Variants in VRK1 observed in about 807,000 individuals in gnomAD.
VRK1 encodes VRK serine/threonine kinase 1.
VRK1 carries 33 observed loss-of-function variants against 57.1 expected under a neutral mutation model. The ratio of observed to expected loss-of-function variants is 0.58; its 90% CI spans 0.44 to 0.77. The LOEUF (loss-of-function observed/expected upper bound fraction) is 0.77, where lower values mean the gene tolerates loss of function less well. Among genes scored for constraint, VRK1 ranks in the 30% least tolerant of loss-of-function variants. The pLI is 0.00. For synonymous variants in VRK1, 137 were observed against 147.8 expected, an observed-to-expected ratio of 0.93 and a Z score of 0.53; for missense variants, 413 against 477.3, an observed-to-expected ratio of 0.87 and a Z score of 1.25.
intron 7 of VRK1, among the ~76,000 whole-genome samples, 187 bp from the exon 8 acceptor site, chr14:96,855,037 A>G (rs188811401): frequency 6.6e-6 from 1 of 152,236 alleles, no homozygotes; most frequent in African/African-American, 2.4e-5. Flanking sequence ...TTTATTAAAA[A>G]TAAAAAGCCT....
rs1384760371 is a variant in VRK1, at chr14:96,846,135, T to C, written c.257T>C (p.Phe86Ser). The change falls in exon 4 of 13, where the codon TTC (phenylalanine) becomes TCC (serine). Residue 86 changes from phenylalanine to serine, a missense_variant. By Grantham distance (155) the Phe-to-Ser change is radical (BLOSUM62 -2). This residue lies in a region of VRK1 where 116 missense variants were observed against 113.6 expected (regional missense o/e 1.02). Coordinates refer to ENST00000216639, the MANE Select transcript of VRK1 (RefSeq NM_003384.3). ...GGACCTCTTTTTACTGAATTAAAGT[T>C]CTACCAACGAGCTGCAAAACCAGAG... ...DNGPLFTELK[F>S]YQRAAKPEQI... The C allele has an allele frequency of 6.2e-7, 1 of 1,613,354 alleles. No homozygotes were observed. Among genetic ancestry groups the C allele is most frequent in the Non-Finnish European group, 8.5e-7 (1 of 1,179,598 alleles).
intron 1 of VRK1, among the ~76,000 whole-genome samples, chr14:96,798,059 T>C (rs1031961740): frequency 6.6e-6 from 1 of 152,066 alleles, no homozygotes. Flanking sequence ...CAGCCAGGCC[T>C]GGGGACCGCG....
chr14:96,802,578 C>T (rs924196596), intron 1 of VRK1, among the ~76,000 whole-genome samples: 1 of 152,162 alleles, frequency 6.6e-6, no homozygotes, highest in African/African-American at 2.4e-5. Context: ...ACCGGTTTTG[C>T]TGGGGTTAGG....
intron 1 of VRK1, among the ~76,000 whole-genome samples, chr14:96,821,672 G>A (rs1886604015): frequency 6.6e-6 from 1 of 152,134 alleles, no homozygotes; most frequent in Non-Finnish European, 1.5e-5. Flanking sequence ...TCCATTCAAA[G>A]TGCAAGTCAG....
chr14:96,873,218 A>G (rs948230610), intron 11 of VRK1, among the ~76,000 whole-genome samples: 18 of 152,236 alleles, frequency 1.2e-4, no homozygotes, highest in Admixed American at 5.9e-4. Context: ...TTTGCTTCTG[A>G]AGATTTTTTT....
At chr14:96,855,104 T>G in intron 7 of VRK1, 120 bp from the exon 8 acceptor site, 1 of 1,421,422 alleles carries the variant, frequency 7.0e-7, no homozygotes, top group African/African-American at 1.4e-5. Flanking sequence ...TTTGGAGTGT[T>G]ATGGAATGAC....
chr14:96,827,443 T>C (rs1419265676), intron 1 of VRK1, among the ~76,000 whole-genome samples: 1 of 152,142 alleles, frequency 6.6e-6, no homozygotes, highest in Non-Finnish European at 1.5e-5. Flanking sequence ...TCAGCTCTAC[T>C]TACTCTCCTG....
At chr14:96,817,222 T>C (rs1886427938) in intron 1 of VRK1, among the ~76,000 whole-genome samples, 1 of 152,182 alleles carries the variant, frequency 6.6e-6, no homozygotes, top group African/African-American at 2.4e-5. Context: ...TATTTCTTTT[T>C]CTGTGAGTGT....
At chr14:96,815,156 CTAA>C in intron 1 of VRK1, among the ~76,000 whole-genome samples, 1 of 152,216 alleles carries the variant, frequency 6.6e-6, no homozygotes, top group South Asian at 2.1e-4. Context: ...TTGAATATGA[CTAA>C]TGTGATAACT....
At chr14:96,837,672 C>T in intron 2 of VRK1, 90 bp from the exon 3 acceptor site, 1 of 730,470 alleles carries the variant, frequency 1.4e-6, no homozygotes, top group South Asian at 3.3e-5. Context: ...GAAGTGTATT[C>T]TATCAAGGGT....
intron 1 of VRK1, among the ~76,000 whole-genome samples, chr14:96,825,902 A>C (rs1235015347): frequency 1.3e-5 from 2 of 152,208 alleles, no homozygotes; most frequent in Non-Finnish European, 2.9e-5. Flanking sequence ...TTTTGGGGAA[A>C]ATTTATGAGT....
chr14:96,805,007 C>T (rs1478104702), intron 1 of VRK1, among the ~76,000 whole-genome samples: 1 of 152,180 alleles, frequency 6.6e-6, no homozygotes, highest in Non-Finnish European at 1.5e-5. Flanking sequence ...GGTGACATTT[C>T]TTACCAGGCC....
intron 12 of VRK1, among the ~76,000 whole-genome samples, chr14:96,880,737 A>G (rs1205669483): frequency 6.6e-6 from 1 of 152,214 alleles, no homozygotes; most frequent in Non-Finnish European, 1.5e-5. Context: ...AATAGTCTTT[A>G]AAAAGCAACT....
chr14:96,876,165 A>G (rs745500037), intron 12 of VRK1, 45 bp downstream of exon 12: 33 of 1,588,024 alleles, frequency 2.1e-5, no homozygotes, highest in Non-Finnish European at 8.6e-7. Flanking sequence ...GGTAAACACA[A>G]ATTTCATTTC....
At chr14:96,811,198 A>G (rs1176571843) in intron 1 of VRK1, among the ~76,000 whole-genome samples, 2 of 151,900 alleles carry the variant, frequency 1.3e-5, no homozygotes, top group Admixed American at 6.6e-5. Context: ...CCCAAAGTGC[A>G]GGGATTACAG....
At chr14:96,806,441 T>A (rs117846600) in intron 1 of VRK1, among the ~76,000 whole-genome samples, 3 of 152,220 alleles carry the variant, frequency 2.0e-5, no homozygotes. Flanking sequence ...ATTGTCCTGA[T>A]ACTTGTGGAA....
intron 1 of VRK1, among the ~76,000 whole-genome samples, chr14:96,797,660 G>C (rs1412350977): frequency 6.6e-6 from 1 of 152,100 alleles, no homozygotes; most frequent in Non-Finnish European, 1.5e-5. Flanking sequence ...TCCTTGTCTC[G>C]TTCAGGCCCC....
At chr14:96,803,194 A>G (rs945594329) in intron 1 of VRK1, among the ~76,000 whole-genome samples, 25 of 140,798 alleles carry the variant, frequency 1.8e-4, no homozygotes, top group Admixed American at 1.7e-3. Context: ...TTTTTGAGGC[A>G]GGTCTCTTAT....
rs1002687511 is a variant in VRK1, at chr14:96,877,548, A to G, written c.1159+1428A>G. ...CAATACATCGAAGCATGTCTCAGCC[A>G]GAGGCTAGCAGCAGCAGCTATGACA... On this transcript the variant is annotated intron_variant, in intron 12 of 12. Coordinates refer to ENST00000216639, the MANE Select transcript of VRK1 (RefSeq NM_003384.3). The G allele has an allele frequency of 3.9e-6, 5 of 1,289,462 alleles. No individual in the cohort carries two copies. In the African/African-American group the frequency reaches 6.1e-5, roughly 16 times the overall value. The allele number at this position is 1,289,462 out of a possible 1,614,324, so 79.9% of individuals were successfully genotyped here.
Sources: gnomAD v4.1 joint callset for allele counts (sites outside exome capture counted in the v4.1 genomes callset) on GRCh38, gnomAD v4.1.1 for gene constraint, gnomAD v4.1.1 regional missense constraint, MANE v1.5 for transcripts, NCBI Gene and HGNC (gene_info 2026-07-23, HGNC 2026-07-21) for gene names.